Variants in CCDC148 observed in about 807,000 individuals in gnomAD.
CCDC148 encodes coiled-coil domain containing 148, also known as coiled-coil domain-containing protein 148.
CCDC148 carries 89 observed loss-of-function variants against 85.7 expected under a neutral mutation model. That is an observed-to-expected ratio of 1.04 (90% confidence interval 0.87 to 1.24). CCDC148 has a LOEUF of 1.24. CCDC148 is among the 50% of genes most tolerant of loss of function. CCDC148 has a pLI of 0.00. For missense variants in CCDC148, 692 were observed against 671.7 expected (o/e 1.03, Z -0.33); for synonymous variants, 230 against 213.9 (o/e 1.08, Z -0.66).
intron 1 of CCDC148, among the ~76,000 whole-genome samples, chr2:158,369,171 T>C (rs115026275): frequency 0.056 from 8,518 of 152,204 alleles, 515 homozygotes; most frequent in African/African-American, 0.15. Flanking sequence ...TTTTGTTCCA[T>C]ATAAAGTTTA....
In CCDC148 at chr2:158,313,987, G is replaced by A. The variant is rs540408887; in HGVS notation, c.765-93C>T. 152 of 1,209,654 alleles carry A rather than the reference G, an allele frequency of 1.3e-4. 4 individuals are homozygous for A. In the South Asian group the frequency reaches 2.4e-3, roughly 19 times the overall value. The allele number at this position is 1,209,654 out of a possible 1,614,324, so 74.9% of individuals were successfully genotyped here. A position where few individuals can be genotyped will look rare whatever the true frequency, so the allele number is the denominator to read the frequency against. On this transcript the variant is annotated intron_variant, in intron 7 of 13. Coordinates refer to ENST00000283233, the MANE Select transcript of CCDC148 (RefSeq NM_138803.4). The stretch of plus-strand genomic sequence containing the variant: ...CAAGCTACTAGCAAGTGATAGTAAC[G>A]AAGCAAAACGAGGTTTCTGTGTATT...
At chr2:158,404,293 G>C (rs904341072) in intron 1 of CCDC148, among the ~76,000 whole-genome samples, 1 of 152,146 alleles carries the variant, frequency 6.6e-6, no homozygotes, top group Non-Finnish European at 1.5e-5. Context: ...GCATAGTCAT[G>C]TATCATGGAA....
chr2:158,366,861 A>G (rs1312505711), intron 1 of CCDC148, among the ~76,000 whole-genome samples: 1 of 152,118 alleles, frequency 6.6e-6, no homozygotes, highest in Non-Finnish European at 1.5e-5. Context: ...TCACTTTTCA[A>G]AAGTTTGTGT....
chr2:158,236,130 G>T lies in CCDC148; in HGVS notation c.1251+14642C>A, dbSNP rs534370865. ...TATTATAAATTGTTTGGAAGTAGAT[G>T]ATGTCTATATGCATAAATAAATAAC... On this transcript the variant is annotated intron_variant, in intron 10 of 13. Transcript: ENST00000283233. 2.6e-5 allele frequency: 4 copies of T among 152,332 alleles called. No individual in the cohort carries two copies. In the South Asian group the frequency reaches 8.3e-4, roughly 32 times the overall value. The allele number at this position is 152,332 out of a possible 1,614,324, so 9.4% of individuals were successfully genotyped here.
intron 9 of CCDC148, among the ~76,000 whole-genome samples, chr2:158,268,322 C>T (rs564340889): frequency 2.6e-5 from 4 of 152,124 alleles, no homozygotes; most frequent in Non-Finnish European, 5.9e-5. Context: ...GTAGTAATAT[C>T]TTACACCTCC....
chr2:158,250,358 T>G (rs1688739760), intron 10 of CCDC148, among the ~76,000 whole-genome samples: 1 of 152,012 alleles, frequency 6.6e-6, no homozygotes, highest in Non-Finnish European at 1.5e-5. Context: ...TGAATTGCAC[T>G]GTCTCTAGTA....
intron 9 of CCDC148, among the ~76,000 whole-genome samples, chr2:158,308,708 G>A (rs1429125163): frequency 6.6e-6 from 1 of 152,092 alleles, no homozygotes; most frequent in African/African-American, 2.4e-5. Flanking sequence ...AACACTCCTG[G>A]GGAGGCCATA....
chr2:158,228,798 G>A (rs552404195), intron 10 of CCDC148, among the ~76,000 whole-genome samples: 10 of 142,784 alleles, frequency 7.0e-5, no homozygotes, highest in Admixed American at 4.9e-4. Context: ...TCACACACCC[G>A]GGCCTGTTGT....
At chr2:158,421,758 T>C (rs554618320) in intron 1 of CCDC148, among the ~76,000 whole-genome samples, 10 of 152,012 alleles carry the variant, frequency 6.6e-5, no homozygotes, top group African/African-American at 2.4e-4. Flanking sequence ...CGTAAGGAGA[T>C]AGAGACACAA....
intron 12 of CCDC148, among the ~76,000 whole-genome samples, chr2:158,177,579 T>C (rs1684654337): frequency 6.6e-6 from 1 of 152,148 alleles, no homozygotes; most frequent in South Asian, 2.1e-4. Context: ...ACTGTAGTTA[T>C]CAAAGTTATG....
At chr2:158,195,996 T>G (rs1481143718) in intron 11 of CCDC148, among the ~76,000 whole-genome samples, 1 of 152,122 alleles carries the variant, frequency 6.6e-6, no homozygotes, top group African/African-American at 2.4e-5. Context: ...TAGCTCCTCA[T>G]GGGACTTACT....
At chr2:158,318,569 T>G (rs1182843618) in intron 7 of CCDC148, among the ~76,000 whole-genome samples, 1 of 152,136 alleles carries the variant, frequency 6.6e-6, no homozygotes, top group Non-Finnish European at 1.5e-5. Context: ...AGCAAGCATA[T>G]TGCTTTTACT....
chr2:158,311,341 C>T (rs553039628), intron 8 of CCDC148, among the ~76,000 whole-genome samples: 5 of 152,292 alleles, frequency 3.3e-5, no homozygotes, highest in South Asian at 2.1e-4. Flanking sequence ...CGTGGCGGCG[C>T]GAGCCTGCAA....
chr2:158,410,438 C>T (rs546600859), intron 1 of CCDC148, among the ~76,000 whole-genome samples: 37 of 152,168 alleles, frequency 2.4e-4, no homozygotes, highest in African/African-American at 8.9e-4. Context: ...ACCTTCCTTG[C>T]TTTCTTGATG....
At chr2:158,267,232 C>T (rs891141712) in intron 9 of CCDC148, among the ~76,000 whole-genome samples, 10 of 152,162 alleles carry the variant, frequency 6.6e-5, no homozygotes, top group African/African-American at 2.2e-4. Context: ...TTTGCAGCTC[C>T]CGTGGCTTTG....
intron 9 of CCDC148, among the ~76,000 whole-genome samples, chr2:158,270,344 C>T (rs4664945): frequency 0.95 from 144,513 of 152,208 alleles, 68,645 homozygotes; most frequent in East Asian, 1. Context: ...TATTACTCTG[C>T]ACAAGGATTC....
At chr2:158,312,056 A>G (rs1692046218) in intron 8 of CCDC148, among the ~76,000 whole-genome samples, 1 of 152,166 alleles carries the variant, frequency 6.6e-6, no homozygotes, top group African/African-American at 2.4e-5. Context: ...ATAGACCATG[A>G]CTCTGAATTT....
chr2:158,435,510 C>T (rs1687603139), intron 1 of CCDC148, among the ~76,000 whole-genome samples: 2 of 152,128 alleles, frequency 1.3e-5, no homozygotes, highest in Non-Finnish European at 2.9e-5. Flanking sequence ...CTGGTACTGG[C>T]CACTGCAAAA....
Position 158,442,304 on chromosome 2 carries a change from C to A in CCDC148, c.25+14111G>T, listed in dbSNP as rs1687968679. Among the ~76,000 whole-genome samples, 2 of 152,160 alleles carry A rather than the reference C, an allele frequency of 1.3e-5. 1 individual carries two copies. Among genetic ancestry groups the A allele is most frequent in the South Asian group, 4.1e-4 (2 of 4,832 alleles). On this transcript the variant is annotated intron_variant, in intron 1 of 13. Coordinates refer to ENST00000283233, the MANE Select transcript of CCDC148 (RefSeq NM_138803.4). ...GTCAATTAATATTCTTTGCTAAGAA[C>A]AGTTTTTCCAGTGCTGTTTTTCAAC...
Sources: allele counts gnomAD v4.1 joint callset (sites outside exome capture counted in the v4.1 genomes callset), GRCh38; gene constraint gnomAD v4.1.1; transcripts MANE v1.5; gene names NCBI Gene and HGNC (gene_info 2026-07-23, HGNC 2026-07-21).